Variants in LGALS4 observed in about 807,000 individuals in gnomAD.
The protein encoded by LGALS4 is galectin-4.
In LGALS4, 37 loss-of-function variants were observed where a neutral mutation model predicts 39.6. The ratio of observed to expected loss-of-function variants is 0.93; its 90% confidence interval spans 0.72 to 1.23. The LOEUF (loss-of-function observed/expected upper bound fraction) is 1.23, where lower values mean the gene tolerates loss of function less well. Among genes scored for constraint, LGALS4 ranks in the 50% most tolerant of loss-of-function variants. LGALS4 has a pLI of 0.00. For missense variants in LGALS4, 397 were observed against 433.2 expected (o/e 0.92, Z 0.74); for synonymous variants, 160 against 165.5 (o/e 0.97, Z 0.25).
At chr19:38,806,134 G>A (rs561951952) in intron 4 of LGALS4, among the ~76,000 whole-genome samples, 5 of 152,124 alleles carry the variant, frequency 3.3e-5, no homozygotes, top group South Asian at 4.2e-4. Context: ...TTGGGAAGTC[G>A]AGGTGGGTGG....
chr19:38,804,154 G>A (rs1971395371), intron 4 of LGALS4, among the ~76,000 whole-genome samples: 1 of 151,898 alleles, frequency 6.6e-6, no homozygotes, highest in South Asian at 2.1e-4. Flanking sequence ...TCCCCTTGCT[G>A]TCTTCCTGCT....
At chr19:38,808,640 A>T in intron 3 of LGALS4, 104 bp downstream of exon 3, 2 of 770,368 alleles carry the variant, frequency 2.6e-6, no homozygotes, top group Non-Finnish European at 3.8e-6. Flanking sequence ...AAAAAAAAAA[A>T]AAAGAAAGAA....
chr19:38,809,729 A>C (rs558657777), intron 2 of LGALS4, among the ~76,000 whole-genome samples: 4 of 138,650 alleles, frequency 2.9e-5, no homozygotes, highest in African/African-American at 8.4e-5. Context: ...GGCTCAAGCA[A>C]TCCTACCACC....
At position 38,808,874 on chromosome 19, in the gene LGALS4, C is replaced by T. The variant is rs778505231; in HGVS notation, c.209G>A (p.Gly70Asp). The T allele has an allele frequency of 2.5e-6, 4 of 1,614,184 alleles. No individual in the cohort carries two copies. The South Asian group carries it at 4.4e-5, about 18-fold the overall frequency. ...CGTGTTGAAGACCACCTTGTCCCAG[C>T]CGTCAAACCGCGGATTGAAGTGGAA... ...VAFHFNPRFD[G>D]WDKVVFNTLQ... Residue 70 changes from glycine to aspartate, a missense_variant, in exon 3 of 10, where the codon GGC becomes GAC. Coordinates refer to ENST00000307751, the MANE Select transcript of LGALS4 (RefSeq NM_006149.4).
intron 2 of LGALS4, among the ~76,000 whole-genome samples, chr19:38,810,176 G>A (rs1169070841): frequency 1.3e-5 from 2 of 151,778 alleles, no homozygotes; most frequent in African/African-American, 4.8e-5. Flanking sequence ...TAATTTTTTT[G>A]AGACAGTCTC....
intron 4 of LGALS4, 81 bp from the exon 5 acceptor site, chr19:38,803,976 G>GCAGGCACTCTC: frequency 6.8e-7 from 1 of 1,475,570 alleles, no homozygotes; most frequent in South Asian, 1.2e-5. Context: ...CCTGCCCTGG[G>GCAGGCACTCTC]GTGGCCCACC....
Position 38,802,365 on chromosome 19 carries a change from C to A in LGALS4, c.610G>T (p.Ala204Ser), listed in dbSNP as rs1971367291. 1 of 1,614,120 alleles carries A rather than the reference C, an allele frequency of 6.2e-7. No individual in the cohort carries two copies. Among genetic ancestry groups the A allele is most frequent in the African/African-American group, 1.3e-5 (1 of 74,948 alleles). The change falls in exon 8 of 10, where the codon GCT becomes TCT. Residue 204 changes from alanine to serine, a missense_variant. Ala to Ser is a moderately conservative substitution (Grantham distance 99). Coordinates refer to ENST00000307751, the MANE Select transcript of LGALS4 (RefSeq NM_006149.4). ...CCCTTGATGATGATGGTTCTTCGAG[C>A]TGTGAGCCCTCCTTGCAGCCTCCCG... ...YFGRLQGGLT[A>S]RRTIIIKGYV...
intron 2 of LGALS4, among the ~76,000 whole-genome samples, chr19:38,809,644 C>CTTTTTTTTTTTTTT (rs66473176): frequency 4.0e-5 from 3 of 74,516 alleles, no homozygotes; most frequent in Non-Finnish European, 7.1e-5. Context: ...CTATGCCTGG[C>CTTTTTTTTTTTTTT]TTTTTTTTTT....
intron 3 of LGALS4, 29 bp downstream of exon 3, chr19:38,808,715 T>C: frequency 6.3e-7 from 1 of 1,595,182 alleles, no homozygotes; most frequent in Non-Finnish European, 8.6e-7. Context: ...GCACTCCAGC[T>C]TGGGAAACAA....
At chr19:38,804,161 T>C (rs1263933252) in intron 4 of LGALS4, among the ~76,000 whole-genome samples, 1 of 152,200 alleles carries the variant, frequency 6.6e-6, no homozygotes, top group Admixed American at 6.6e-5. Context: ...GCTGTCTTCC[T>C]GCTGTCCCGG....
At position 38,802,059 on chromosome 19, in the gene LGALS4, T is replaced by C. The variant is rs748358991; in HGVS notation, c.758A>G (p.Asn253Ser). 6.2e-7 allele frequency: 1 copy of C among 1,614,194 alleles called. No homozygotes were observed. Among genetic ancestry groups the C allele is most frequent in the Non-Finnish European group, 8.5e-7 (1 of 1,180,030 alleles). The change falls in exon 9 of 10, where the codon AAT becomes AGT. Residue 253 changes from asparagine (N) to serine (S), a missense_variant. Asn to Ser is a conservative substitution (Grantham distance 46). Transcript: ENST00000307751. ...CTTCTCCTCGGATCCCCACGAGCCA[T>C]TCAGAAGGCTGTTCCGGACCACGGT... is the stretch of plus-strand genomic sequence containing the variant. ...NGTVVRNSLL[N>S]GSWGSEEKKI...
chr19:38,803,663 C>G, intron 6 of LGALS4, 79 bp downstream of exon 6: 7 of 1,595,728 alleles, frequency 4.4e-6, no homozygotes, highest in Non-Finnish European at 6.0e-6. Flanking sequence ...CCTTGGGCTG[C>G]AACCCCTCTT....
intron 4 of LGALS4, among the ~76,000 whole-genome samples, chr19:38,804,358 C>G (rs1971397791): frequency 6.6e-6 from 1 of 152,202 alleles, no homozygotes; most frequent in South Asian, 2.1e-4. Flanking sequence ...CTGCTCACCT[C>G]AACCTCTGCC....
rs1971369320 is a variant in LGALS4 at position 38,802,509 on chromosome 19, A to T, written c.571-105T>A. The T allele has an allele frequency of 3.6e-6, 3 of 843,116 alleles. No individual in the cohort carries two copies. The African/African-American group carries it at 5.1e-5, about 14-fold the overall frequency. 52.2% of individuals were successfully genotyped at this position (843,116 alleles called of 1,614,324 possible). A position where few individuals can be genotyped will look rare whatever the true frequency, so the allele number is the denominator to read the frequency against. On this transcript the variant is annotated intron_variant, in intron 7 of 9. Coordinates refer to ENST00000307751, the MANE Select transcript of LGALS4 (RefSeq NM_006149.4). ...CTTTTCTTTCCTGTCTTTTTTTCTT[A>T]TAAGAGATGGGGTCTTACTCTGTCA...
In LGALS4 at chr19:38,803,748, G is replaced by T. The variant is rs747349041; in HGVS notation, c.534C>A (p.Ser178Arg). The change falls in exon 6 of 10, where the codon AGC becomes AGA. Residue 178 changes from serine to arginine, a missense_variant. By Grantham distance (110) the Ser-to-Arg change is moderately radical. Transcript: ENST00000307751. ...GPGHCHQQLN[S>R]LPTMEGPPTF... ...TCCCAGCCCTCCCACTCACGGGCAG[G>T]CTGTTCAGCTGTTGATGGCAATGTC... 6.2e-7 allele frequency: 1 copy of T among 1,613,208 alleles called. No homozygotes were observed.
intron 2 of LGALS4, among the ~76,000 whole-genome samples, chr19:38,810,932 A>G (rs963971356): frequency 1.6e-5 from 2 of 122,406 alleles, no homozygotes; most frequent in Non-Finnish European, 3.3e-5. Flanking sequence ...ACAGAGTCTC[A>G]CTCTTGTTGC....
chr19:38,809,935 A>G (rs530392055), intron 2 of LGALS4, among the ~76,000 whole-genome samples: 3 of 152,038 alleles, frequency 2.0e-5, no homozygotes, highest in East Asian at 3.9e-4. Flanking sequence ...TCCCTCATGC[A>G]GCCAGAGGGT....
chr19:38,808,803 G>A lies in LGALS4; in HGVS notation c.280C>T (p.Pro94Ser). The A allele has an allele frequency of 6.2e-7, 1 of 1,614,090 alleles. No homozygotes were observed. The highest frequency in any genetic ancestry group is 8.5e-7 in the Non-Finnish European group (1 of 1,180,002). Residue 94 changes from proline to serine, a missense_variant, in exon 3 of 10, where the codon CCC becomes TCC. By Grantham distance (74) the Pro-to-Ser change is moderately conservative (BLOSUM62 -1). Coordinates refer to ENST00000307751, the MANE Select transcript of LGALS4 (RefSeq NM_006149.4). Reference sequence around the variant, plus strand: ...TCAAAGGCGGCACCCTTTTTGAAGGGCATGCTCCTCTTCCTCTCCTCGCTG... The same window carrying A: ...TCAAAGGCGGCACCCTTTTTGAAGGACATGCTCCTCTTCCTCTCCTCGCTG... ...WGSEERKRSM[P>S]FKKGAAFELV...
Position 38,801,807 on chromosome 19 carries a change from A to C in LGALS4, c.929T>G (p.Leu310Trp). ...CAAGGTGACATCACCCTGGATTTCCAATGTGTCCACCCTCTGGAAGGCCGA... is the reference window on the plus strand; with the variant it reads ...CAAGGTGACATCACCCTGGATTTCCCATGTGTCCACCCTCTGGAAGGCCGA... ...RLSAFQRVDTLEIQGDVTLSY... is the reference protein window; with the variant it reads ...RLSAFQRVDTWEIQGDVTLSY... Residue 310 changes from leucine (L) to tryptophan (W), a missense_variant, in exon 10 of 10, where the codon TTG becomes TGG. Physicochemically the swap from Leu to Trp is moderately conservative, Grantham distance 61. Coordinates refer to ENST00000307751, the MANE Select transcript of LGALS4 (RefSeq NM_006149.4). 4 of 1,614,224 alleles carry C rather than the reference A, an allele frequency of 2.5e-6. No individual in the cohort carries two copies. Among genetic ancestry groups the C allele is most frequent in the Non-Finnish European group, 3.4e-6 (4 of 1,180,036 alleles).
Sources: gnomAD v4.1 joint callset for allele counts (sites outside exome capture counted in the v4.1 genomes callset) on GRCh38, gnomAD v4.1.1 for gene constraint, MANE v1.5 for transcripts, NCBI Gene and HGNC (gene_info 2026-07-23, HGNC 2026-07-21) for gene names.